Variants in KIF21B observed in about 807,000 individuals in gnomAD.
The protein encoded by KIF21B is kinesin family member 21B, also known as kinesin-like protein KIF21B.
In KIF21B, 85 loss-of-function variants were observed where a neutral mutation model predicts 192.9. The observed-to-expected ratio is 0.44, with a 90% CI of 0.37 to 0.53. KIF21B has a LOEUF of 0.53. Among genes scored for constraint, KIF21B ranks in the 20% least tolerant of loss-of-function variants. KIF21B has a pLI of 0.00. For missense variants in KIF21B, 1,716 were observed against 2,194.8 expected, an observed-to-expected ratio of 0.78 and a Z score of 4.36; for synonymous variants, 832 against 884.6, an observed-to-expected ratio of 0.94 and a Z score of 1.05.
chr1:200,992,811 G>A (rs1381005639), intron 15 of KIF21B, among the ~76,000 whole-genome samples: 1 of 152,212 alleles, frequency 6.6e-6, no homozygotes, highest in East Asian at 1.9e-4. Context: ...GAAGATCAGG[G>A]CCCTCATGGC....
chr1:200,999,308 G>A lies in KIF21B; in HGVS notation c.1885+41C>T. Reference sequence around the variant, plus strand: ...CCCCACACTTGGGCACTGGCAGCCAGGCATTGCATCCCCCACAGCCCACAG... The same window carrying A: ...CCCCACACTTGGGCACTGGCAGCCAAGCATTGCATCCCCCACAGCCCACAG... On this transcript the variant is annotated intron_variant, in intron 13 of 34. Coordinates refer to ENST00000461742, the MANE Select transcript of KIF21B (RefSeq NM_001252102.2). The surrounding 1 kb of genome is among the most constrained non-coding windows in gnomAD (Gnocchi z 4.7). 6.2e-7 allele frequency: 1 copy of A among 1,613,378 alleles called. No homozygotes were observed. The highest frequency in any genetic ancestry group is 8.5e-7 in the Non-Finnish European group (1 of 1,179,624).
At chr1:201,014,580 G>A (rs1658404806) in intron 1 of KIF21B, among the ~76,000 whole-genome samples, 1 of 152,226 alleles carries the variant, frequency 6.6e-6, no homozygotes, top group Non-Finnish European at 1.5e-5. Flanking sequence ...GATGGCCCTA[G>A]CCGGGCCTCA....
chr1:200,987,776 ATAATTTGC>A (rs1656403177), intron 24 of KIF21B, among the ~76,000 whole-genome samples: 1 of 152,238 alleles, frequency 6.6e-6, no homozygotes, highest in Admixed American at 6.5e-5. Context: ...AAAACTATGC[ATAATTTGC>A]TATTCCCAGT....
rs941298747 is a variant in KIF21B at position 201,008,632 on chromosome 1, A to G, written c.447+137T>C. 4.5e-5 allele frequency: 37 copies of G among 824,724 alleles called. No homozygotes were observed. The Middle Eastern group carries it at 2.6e-3, about 58-fold the overall frequency. The allele number at this position is 824,724 out of a possible 1,614,324, so 51.1% of individuals were successfully genotyped here. A position where few individuals can be genotyped will look rare whatever the true frequency, so the allele number is the denominator to read the frequency against. On this transcript the variant is annotated intron_variant, in intron 3 of 34. Coordinates refer to ENST00000461742, the MANE Select transcript of KIF21B (RefSeq NM_001252102.2). ...CTCCAGCCCTTGCTTGGATTCTTTCAATAGCAGGGAACTCATCACCTGGAG... is the reference window on the plus strand; with the variant it reads ...CTCCAGCCCTTGCTTGGATTCTTTCGATAGCAGGGAACTCATCACCTGGAG...
chr1:201,009,341 G>C lies in KIF21B; in HGVS notation c.189C>G (p.Ile63Met), dbSNP rs746986910. The C allele has an allele frequency of 1.9e-6, 3 of 1,614,302 alleles. No individual in the cohort carries two copies. The Admixed American group carries it at 5.0e-5, about 27-fold the overall frequency. The change falls in exon 2 of 35, where the codon ATC becomes ATG. Residue 63 changes from isoleucine to methionine, a missense_variant. Physicochemically the swap from Ile to Met is conservative, Grantham distance 10. Coordinates refer to ENST00000461742, the MANE Select transcript of KIF21B (RefSeq NM_001252102.2). The stretch of plus-strand genomic sequence containing the variant: ...TGAGCTTGCTCACACAGGTGGAATA[G>C]ATCTGTTCTTGCCAGGTGTCCAGGT... Reference protein sequence around the residue: ...VFDLDTWQEQIYSTCVSKLIE... With the variant: ...VFDLDTWQEQMYSTCVSKLIE...
Position 201,000,475 on chromosome 1 carries a change from T to A in KIF21B, c.1600A>T (p.Met534Leu). ...CGGATCACCTCCGAGGCATCCTCCA[T>A]GGAGCTGGCAGGGCTGCCCCCGAAG... ...PAFGGSPASS[M>L]EDASEVIRRA... Residue 534 changes from methionine to leucine, a missense_variant, in exon 11 of 35, where the codon ATG becomes TTG. Transcript: ENST00000461742. This position sits in a 1 kb window ranked among gnomAD's most constrained non-coding sequence, Gnocchi z 6.0. 1 of 1,603,602 alleles carries A rather than the reference T, an allele frequency of 6.2e-7. No individual in the cohort carries two copies. Among genetic ancestry groups the A allele is most frequent in the African/African-American group, 1.3e-5 (1 of 74,470 alleles).
In KIF21B at chr1:201,023,714, C is replaced by A. The variant is rs1165758613; in HGVS notation, c.-331G>T. The A allele has an allele frequency of 6.6e-6, 1 of 151,584 alleles. No homozygotes were observed. Among genetic ancestry groups the A allele is most frequent in the Non-Finnish European group, 1.5e-5 (1 of 67,776 alleles). The allele number at this position is 151,584 out of a possible 1,614,324, so 9.4% of individuals were successfully genotyped here. ...CAGCCACCTCCCGCCGCAGCGCGAA[C>A]AAAGGGGGCGGGGGCCGATCCGGCC... On this transcript the variant is annotated 5_prime_UTR_variant, in exon 1 of 35. Coordinates refer to ENST00000461742, the MANE Select transcript of KIF21B (RefSeq NM_001252102.2). The surrounding 1 kb of genome is among the most constrained non-coding windows in gnomAD (Gnocchi z 5.9).
chr1:201,020,683 GGCCT>G, intron 1 of KIF21B, among the ~76,000 whole-genome samples: 1 of 152,244 alleles, frequency 6.6e-6, no homozygotes, highest in East Asian at 1.9e-4. Context: ...CAGGAGCCCA[GGCCT>G]TCACTGAAGC....
At chr1:200,997,470 C>A (rs1657143957) in intron 14 of KIF21B, among the ~76,000 whole-genome samples, 2 of 152,190 alleles carry the variant, frequency 1.3e-5, no homozygotes, top group Non-Finnish European at 2.9e-5. Flanking sequence ...TTCGGCCAGG[C>A]ACGGTGGCTC....
At position 201,008,806 on chromosome 1, in the gene KIF21B, G is replaced by A. The variant is rs1391879484; in HGVS notation, c.410C>T (p.Ala137Val). 2 of 1,604,744 alleles carry A rather than the reference G, an allele frequency of 1.2e-6. No homozygotes were observed. The highest frequency in any genetic ancestry group is 8.5e-7 in the Non-Finnish European group (1 of 1,179,858). The change falls in exon 3 of 35, where the codon GCT (alanine) becomes GTT (valine). Residue 137 changes from alanine to valine, a missense_variant. Around this residue, in one of 3 missense-constraint regions of KIF21B, gnomAD observed 1,087 missense variants for 1,316.6 expected, o/e 0.83. Transcript: ENST00000461742. ...RKRRAQEQGV[A>V]GPEFKVSAQF... ...GGCGCTGACTTTGAACTCAGGTCCAGCCACGCCCTGCTCCTGTGCCCGGCG... is the reference window on the plus strand; with the variant it reads ...GGCGCTGACTTTGAACTCAGGTCCAACCACGCCCTGCTCCTGTGCCCGGCG...
chr1:200,974,556 C>T (rs778391609), intron 34 of KIF21B, among the ~76,000 whole-genome samples, 158 bp downstream of exon 34: 2 of 152,118 alleles, frequency 1.3e-5, no homozygotes, highest in Non-Finnish European at 2.9e-5. Flanking sequence ...TCACTGAAGG[C>T]TGGCACAGGC....
intron 26 of KIF21B, among the ~76,000 whole-genome samples, chr1:200,985,234 T>C (rs1656206533): frequency 6.6e-6 from 1 of 152,150 alleles, no homozygotes; most frequent in Non-Finnish European, 1.5e-5. Flanking sequence ...ACATCTGTAA[T>C]CTCAGTAAAT....
At chr1:200,977,934 A>T (rs1655666975) in intron 30 of KIF21B, among the ~76,000 whole-genome samples, 1 of 151,422 alleles carries the variant, frequency 6.6e-6, no homozygotes, top group Non-Finnish European at 1.5e-5. Flanking sequence ...GGGTTTCTTC[A>T]TATTGGTCGG....
intron 29 of KIF21B, 28 bp from the exon 30 acceptor site, chr1:200,979,743 G>A: frequency 6.7e-7 from 1 of 1,485,806 alleles, no homozygotes; most frequent in Middle Eastern, 1.8e-4. Flanking sequence ...AAGCCACAGG[G>A]AGGGGAGGGA....
At chr1:200,977,049 C>A (rs183501916) in intron 31 of KIF21B, among the ~76,000 whole-genome samples, 156 bp from the exon 32 acceptor site, 4 of 152,356 alleles carry the variant, frequency 2.6e-5, no homozygotes, top group Admixed American at 2.0e-4. Context: ...AGCTACCCTG[C>A]ATCCCAGCAG....
In KIF21B at chr1:200,999,494, C is replaced by T. The variant is rs1238461932; in HGVS notation, c.1768-28G>A. The T allele has an allele frequency of 6.2e-7, 1 of 1,608,356 alleles. No homozygotes were observed. The highest frequency in any genetic ancestry group is 8.5e-7 in the Non-Finnish European group (1 of 1,176,792). On this transcript the variant is annotated intron_variant, in intron 12 of 34. Transcript: ENST00000461742. This position sits in a 1 kb window ranked among gnomAD's most constrained non-coding sequence, Gnocchi z 4.7. ...GGGCACCAGGCACCATTGGGGTGGGCCTGGCCTCAGAGAGGGGAGCCCAGA... is the reference window on the plus strand; with the variant it reads ...GGGCACCAGGCACCATTGGGGTGGGTCTGGCCTCAGAGAGGGGAGCCCAGA...
In KIF21B at chr1:200,999,840, C is replaced by G; in HGVS notation, c.1767+43G>C. On this transcript the variant is annotated intron_variant, in intron 12 of 34. Coordinates refer to ENST00000461742, the MANE Select transcript of KIF21B (RefSeq NM_001252102.2). This position sits in a 1 kb window ranked among gnomAD's most constrained non-coding sequence, Gnocchi z 4.7. Reference sequence around the variant, plus strand: ...GCCCCCGCCAACCCCAGCAGGGACACAAGGCATGCATGTGGTGAGGTGGGG... The same window carrying G: ...GCCCCCGCCAACCCCAGCAGGGACAGAAGGCATGCATGTGGTGAGGTGGGG... The G allele has an allele frequency of 6.2e-7, 1 of 1,604,542 alleles. No individual in the cohort carries two copies. Among genetic ancestry groups the G allele is most frequent in the South Asian group, 1.1e-5 (1 of 90,978 alleles).
At chr1:200,995,739 G>A (rs1657017124) in intron 15 of KIF21B, among the ~76,000 whole-genome samples, 1 of 152,230 alleles carries the variant, frequency 6.6e-6, no homozygotes, top group Admixed American at 6.5e-5. Flanking sequence ...AGGACTGAAT[G>A]TGATCATGCG....
rs781508849 is a variant in KIF21B, at chr1:201,000,735, C to T, written c.1448G>A (p.Arg483Gln). Residue 483 changes from arginine (R) to glutamine (Q), a missense_variant, in exon 10 of 35, where the codon CGG becomes CAG. Coordinates refer to ENST00000461742, the MANE Select transcript of KIF21B (RefSeq NM_001252102.2). This position sits in a 1 kb window ranked among gnomAD's most constrained non-coding sequence, Gnocchi z 6.0. ...CACTCACCGTAGCTCCTCGATCTCC[C>T]GGATGTAGTTCTGGATCAGCGCACC... ...AIGALIQNYI[R>Q]EIEELRTKLL... 10 of 1,614,216 alleles carry T rather than the reference C, an allele frequency of 6.2e-6. No homozygotes were observed. In the Admixed American group the frequency reaches 1.3e-4, roughly 22 times the overall value.
Sources: gnomAD v4.1 joint callset for allele counts (sites outside exome capture counted in the v4.1 genomes callset) on GRCh38, gnomAD v4.1.1 for gene constraint, gnomAD v4.1.1 regional missense constraint, Gnocchi (gnomAD v3.1) non-coding constraint, MANE v1.5 for transcripts, NCBI Gene and HGNC (gene_info 2026-07-23, HGNC 2026-07-21) for gene names.